The following ADGRL3 variants were observed in gnomAD, a reference collection of about 807,000 sequenced individuals.
The protein encoded by ADGRL3 is adhesion G protein-coupled receptor L3.
In ADGRL3, 62 loss-of-function variants were observed where a neutral mutation model predicts 153.5. That is an observed-to-expected ratio of 0.40 (90% CI 0.33 to 0.50). The LOEUF (loss-of-function observed/expected upper bound fraction) is 0.50. ADGRL3 is among the 20% of genes least tolerant of loss of function. ADGRL3 has a pLI of 0.47. For missense variants in ADGRL3, 1,641 were observed against 1,859.4 expected (o/e 0.88, Z 2.16); for synonymous variants, 710 against 672.5 (o/e 1.06, Z -0.86).
At chr4:61,918,158 A>G (rs950167109) in intron 13 of ADGRL3, among the ~76,000 whole-genome samples, 3 of 152,160 alleles carry the variant, frequency 2.0e-5, no homozygotes, top group African/African-American at 7.2e-5. Flanking sequence ...TAAAAAAATG[A>G]AATAAGATTT....
chr4:61,921,879 G>T (rs982611751), intron 13 of ADGRL3, among the ~76,000 whole-genome samples: 15 of 152,154 alleles, frequency 9.9e-5, no homozygotes, highest in Non-Finnish European at 1.8e-4. Flanking sequence ...GTAGCATTCT[G>T]CCATGGAAAA....
chr4:61,648,514 G>A (rs2094128137), intron 5 of ADGRL3, among the ~76,000 whole-genome samples: 1 of 130,336 alleles, frequency 7.7e-6, no homozygotes, highest in South Asian at 2.5e-4. Context: ...TTTGCATTAG[G>A]AATTTTTTTG....
In ADGRL3 at chr4:61,647,360, C is replaced by T. The variant is rs561557071; in HGVS notation, c.474-29466C>T. On this transcript the variant is annotated intron_variant, in intron 5 of 26. Transcript: ENST00000683033. ...GGTTTCATCACTTTGAATTTACAGA[C>T]GAAAAAATTAAAATTAATTGAGTTT... Among the ~76,000 whole-genome samples, 121 of 152,074 alleles carry T rather than the reference C, an allele frequency of 8.0e-4. No homozygotes were observed. In the Middle Eastern group the frequency reaches 0.01, roughly 13 times the overall value.
At chr4:61,809,938 A>G (rs6551656) in intron 8 of ADGRL3, among the ~76,000 whole-genome samples, 3,519 of 152,220 alleles carry the variant, frequency 0.023, 58 homozygotes, top group Non-Finnish European at 0.036. Context: ...TATAATCCTC[A>G]TTAAACAAAC....
intron 8 of ADGRL3, among the ~76,000 whole-genome samples, chr4:61,810,204 C>T (rs2148570293): frequency 6.6e-6 from 1 of 152,198 alleles, no homozygotes; most frequent in Admixed American, 6.5e-5. Flanking sequence ...CCCCACGTAC[C>T]TTGAAAATAA....
intron 1 of ADGRL3, among the ~76,000 whole-genome samples, chr4:61,280,695 C>A (rs2093689051): frequency 6.6e-6 from 1 of 152,064 alleles, no homozygotes; most frequent in South Asian, 2.1e-4. Flanking sequence ...TATCTAACAT[C>A]TTTTTAAAAG....
intron 4 of ADGRL3, among the ~76,000 whole-genome samples, chr4:61,525,216 A>C (rs1476599649): frequency 6.6e-6 from 1 of 152,126 alleles, no homozygotes; most frequent in African/African-American, 2.4e-5. Context: ...AAGCTCTTTT[A>C]GATAAGGTAG....
intron 2 of ADGRL3, among the ~76,000 whole-genome samples, chr4:61,415,981 G>C (rs1393034881): frequency 6.6e-6 from 1 of 151,794 alleles, no homozygotes; most frequent in Non-Finnish European, 1.5e-5. Flanking sequence ...CTTTTAAAAG[G>C]CTACCTTTTT....
At chr4:61,922,036 A>G (rs1244817984) in intron 13 of ADGRL3, among the ~76,000 whole-genome samples, 1 of 152,220 alleles carries the variant, frequency 6.6e-6, no homozygotes, top group Admixed American at 6.5e-5. Context: ...ACAGTGAGGT[A>G]GAACTTGTAT....
intron 6 of ADGRL3, among the ~76,000 whole-genome samples, chr4:61,697,709 T>C (rs1349022573): frequency 3.3e-5 from 5 of 152,114 alleles, no homozygotes; most frequent in Non-Finnish European, 7.4e-5. Context: ...CATCCAAAAG[T>C]TCAATGTAAC....
intron 17 of ADGRL3, among the ~76,000 whole-genome samples, chr4:61,960,033 G>C (rs903011121): frequency 3.3e-5 from 5 of 152,082 alleles, no homozygotes; most frequent in Admixed American, 2.0e-4. Flanking sequence ...TCAAAATATA[G>C]AAAATTTCTT....
intron 17 of ADGRL3, among the ~76,000 whole-genome samples, chr4:61,976,946 G>A (rs1386020967): frequency 6.6e-6 from 1 of 152,146 alleles, no homozygotes; most frequent in African/African-American, 2.4e-5. Context: ...CCCTCCCAGT[G>A]TCATGGACAT....
chr4:61,652,978 C>A (rs563143677), intron 5 of ADGRL3, among the ~76,000 whole-genome samples: 1 of 152,018 alleles, frequency 6.6e-6, no homozygotes, highest in Non-Finnish European at 1.5e-5. Context: ...TCCCCCCGGC[C>A]ATATTGATAT....
At chr4:61,335,467 T>G (rs1441026985) in intron 1 of ADGRL3, among the ~76,000 whole-genome samples, 2 of 152,190 alleles carry the variant, frequency 1.3e-5, no homozygotes, top group African/African-American at 4.8e-5. Context: ...GCATGGCTAT[T>G]CAGGTCAAAT....
chr4:61,420,113 A>C (rs2097186735), intron 2 of ADGRL3: 1 of 152,078 alleles, frequency 6.6e-6, no homozygotes, highest in Admixed American at 6.6e-5. Flanking sequence ...GTATTTAGAT[A>C]TTTTAAACGA....
chr4:61,534,065 GT>G (rs1451957731), intron 4 of ADGRL3, among the ~76,000 whole-genome samples: 1 of 151,920 alleles, frequency 6.6e-6, no homozygotes, highest in Non-Finnish European at 1.5e-5. Context: ...TTCTCCTAGG[GT>G]TTTTGTTGTT....
chr4:61,661,363 C>T (rs534599084), intron 5 of ADGRL3, among the ~76,000 whole-genome samples: 1 of 151,862 alleles, frequency 6.6e-6, no homozygotes, highest in African/African-American at 2.4e-5. Context: ...CTTTTTCAAT[C>T]AAAAACTAAT....
Position 61,372,567 on chromosome 4 carries a change from G to A in ADGRL3, c.-239-10557G>A, listed in dbSNP as rs563201775. Among the ~76,000 whole-genome samples, 3 of 152,324 alleles carry A rather than the reference G, an allele frequency of 2.0e-5. No homozygotes were observed. In the East Asian group the frequency reaches 5.8e-4, roughly 30 times the overall value. ...GGGGTCAGGGGTCAGCGATCCACTT[G>A]AGGAGGCAGTCTGCCCGTTCTCAGA... On this transcript the variant is annotated intron_variant, in intron 1 of 26. Transcript: ENST00000683033.
rs1369000529 is a variant in ADGRL3, at chr4:62,071,204, G to T, written c.*296G>T. 3.7e-6 allele frequency: 1 copy of T among 267,600 alleles called. No individual in the cohort carries two copies. The highest frequency in any genetic ancestry group is 7.1e-6 in the Non-Finnish European group (1 of 140,348). 16.6% of individuals were successfully genotyped at this position (267,600 alleles called of 1,614,324 possible). A position where few individuals can be genotyped will look rare whatever the true frequency, so the allele number is the denominator to read the frequency against. ...AGAAAATGGCACTCATTGTGGCCTT[G>T]TTGAATTATGTTGTGTATGTTTTAA... On this transcript the variant is annotated 3_prime_UTR_variant, in exon 27 of 27. Transcript: ENST00000683033.
Sources: gnomAD v4.1 joint callset for allele counts (sites outside exome capture counted in the v4.1 genomes callset) on GRCh38, gnomAD v4.1.1 for gene constraint, MANE v1.5 for transcripts, NCBI Gene and HGNC (gene_info 2026-07-23, HGNC 2026-07-21) for gene names.